GRIK2: variants seen among roughly 807,000 people sequenced by gnomAD.
GRIK2 encodes glutamate ionotropic receptor kainate type subunit 2, also known as glutamate receptor ionotropic, kainate 2.
In GRIK2, 32 loss-of-function variants were observed where a neutral mutation model predicts 100.3. The observed-to-expected ratio is 0.32, with a 90% confidence interval of 0.24 to 0.43. The LOEUF (loss-of-function observed/expected upper bound fraction) is 0.43, where lower values mean the gene tolerates loss of function less well. Among genes scored for constraint, GRIK2 ranks in the 20% least tolerant of loss-of-function variants. GRIK2 has a pLI of 1.00. For missense variants in GRIK2, 843 were observed against 1,114.9 expected (o/e 0.76, Z 3.47); for synonymous variants, 417 against 389.4 (o/e 1.07, Z -0.83).
At chr6:101,542,932 A>G (rs563354011) in intron 2 of GRIK2, among the ~76,000 whole-genome samples, 1 of 152,268 alleles carries the variant, frequency 6.6e-6, no homozygotes, top group East Asian at 1.9e-4. Flanking sequence ...AGGGTAAGAA[A>G]GTACCCTAGA....
At chr6:101,708,453 T>C (rs1051374221) in intron 7 of GRIK2, among the ~76,000 whole-genome samples, 7 of 151,686 alleles carry the variant, frequency 4.6e-5, no homozygotes, top group Non-Finnish European at 7.4e-5. Context: ...AGTGGTTTGA[T>C]ATATATTTTT....
intron 2 of GRIK2, among the ~76,000 whole-genome samples, chr6:101,417,766 C>CG (rs1302781738): frequency 6.6e-6 from 1 of 152,100 alleles, no homozygotes; most frequent in Admixed American, 6.6e-5. Flanking sequence ...AGAAAAGGCA[C>CG]GGAAAATGTG....
intron 2 of GRIK2, among the ~76,000 whole-genome samples, chr6:101,427,474 G>A (rs2852523): frequency 2.0e-5 from 3 of 152,126 alleles, no homozygotes; most frequent in Non-Finnish European, 2.9e-5. Context: ...TGAAGGCAGG[G>A]ACTATATACT....
chr6:102,042,297 A>C (rs1324330468), intron 15 of GRIK2, among the ~76,000 whole-genome samples: 1 of 151,676 alleles, frequency 6.6e-6, no homozygotes, highest in Non-Finnish European at 1.5e-5. Flanking sequence ...ACATTTGACC[A>C]ATCTACAAGA....
At chr6:101,682,778 G>A (rs1037538680) in intron 6 of GRIK2, among the ~76,000 whole-genome samples, 172 bp downstream of exon 6, 2 of 151,814 alleles carry the variant, frequency 1.3e-5, no homozygotes, top group African/African-American at 4.9e-5. Flanking sequence ...AATAGAAGCT[G>A]ATGATTTTGA....
chr6:101,670,000 G>A (rs1184732375), intron 4 of GRIK2, among the ~76,000 whole-genome samples: 2 of 152,044 alleles, frequency 1.3e-5, no homozygotes, highest in African/African-American at 4.8e-5. Context: ...AGGAGTTGAT[G>A]GAAAGTGAGA....
At chr6:101,491,116 A>C (rs1293866838) in intron 2 of GRIK2, among the ~76,000 whole-genome samples, 2 of 116,724 alleles carry the variant, frequency 1.7e-5, no homozygotes, top group Non-Finnish European at 3.7e-5. Context: ...GGCCTTAGCA[A>C]GGCAAAAGTT....
chr6:101,505,160 T>C (rs1773959824), intron 2 of GRIK2, among the ~76,000 whole-genome samples: 1 of 152,120 alleles, frequency 6.6e-6, no homozygotes, highest in African/African-American at 2.4e-5. Context: ...GATTGCATTT[T>C]TTAAATCACT....
At chr6:101,565,912 A>ATT (rs67278361) in intron 2 of GRIK2, among the ~76,000 whole-genome samples, 133 of 107,346 alleles carry the variant, frequency 1.2e-3, no homozygotes, top group Admixed American at 2.2e-3. Flanking sequence ...TTATATACCT[A>ATT]TTTTATATAT....
At chr6:101,519,408 T>G (rs1458471593) in intron 2 of GRIK2, among the ~76,000 whole-genome samples, 2 of 151,728 alleles carry the variant, frequency 1.3e-5, no homozygotes, top group African/African-American at 2.4e-5. Context: ...CATTATTTCA[T>G]TTCACAAAAC....
chr6:101,635,196 G>A (rs1388663703), intron 4 of GRIK2, among the ~76,000 whole-genome samples: 2 of 152,012 alleles, frequency 1.3e-5, no homozygotes, highest in East Asian at 1.9e-4. Context: ...AATTCCAAGT[G>A]CAAATACAAT....
intron 7 of GRIK2, among the ~76,000 whole-genome samples, chr6:101,757,069 G>A (rs1406280421): frequency 6.6e-6 from 1 of 152,058 alleles, no homozygotes; most frequent in Non-Finnish European, 1.5e-5. Context: ...GCTTTAAATA[G>A]CTTTAAATGG....
chr6:101,571,062 A>AC (rs1777501655), intron 2 of GRIK2, among the ~76,000 whole-genome samples: 1 of 152,102 alleles, frequency 6.6e-6, no homozygotes, highest in South Asian at 2.1e-4. Context: ...TATGTGCAGT[A>AC]TTTTGTGTAT....
chr6:101,652,474 T>C (rs1306447419), intron 4 of GRIK2, among the ~76,000 whole-genome samples: 1 of 152,122 alleles, frequency 6.6e-6, no homozygotes, highest in Non-Finnish European at 1.5e-5. Context: ...ATCCAGTCTA[T>C]GGTACTTTGT....
At chr6:101,517,614 T>C (rs748739471) in intron 2 of GRIK2, among the ~76,000 whole-genome samples, 4 of 152,150 alleles carry the variant, frequency 2.6e-5, no homozygotes, top group Admixed American at 2.6e-4. Flanking sequence ...ACTAGAGATA[T>C]ACTGTACTTT....
rs532606256 is a variant in GRIK2, at chr6:101,667,960, A to G, written c.542-8663A>G. ...ATCCCTGACATGCAAGTTAAAACTC[A>G]TTTGCCACTTGGTTTATAATGTATC... On this transcript the variant is annotated intron_variant, in intron 4 of 16. Coordinates refer to ENST00000369134, the MANE Select transcript of GRIK2 (RefSeq NM_021956.5). Among the ~76,000 whole-genome samples, 4 of 152,128 alleles carry G rather than the reference A, an allele frequency of 2.6e-5. No individual in the cohort carries two copies. In the South Asian group the frequency reaches 8.3e-4, roughly 31 times the overall value.
At chr6:101,447,980 G>A (rs1285912762) in intron 2 of GRIK2, among the ~76,000 whole-genome samples, 1 of 151,646 alleles carries the variant, frequency 6.6e-6, no homozygotes, top group Non-Finnish European at 1.5e-5. Flanking sequence ...CAGAGTATGA[G>A]CATGACCATA....
At chr6:102,036,249 A>ACG (rs753806206) in intron 15 of GRIK2, among the ~76,000 whole-genome samples, 1 of 151,078 alleles carries the variant, frequency 6.6e-6, no homozygotes, top group Non-Finnish European at 1.5e-5. Flanking sequence ...ACACACACAC[A>ACG]CACACACACA....
At chr6:101,721,908 C>T (rs1001440889) in intron 7 of GRIK2, among the ~76,000 whole-genome samples, 3 of 151,960 alleles carry the variant, frequency 2.0e-5, no homozygotes, top group African/African-American at 7.2e-5. Context: ...ATGTTTCATG[C>T]TTTTCAAGGA....
Sources: gnomAD v4.1 joint callset for allele counts (sites outside exome capture counted in the v4.1 genomes callset) on GRCh38, gnomAD v4.1.1 for gene constraint, MANE v1.5 for transcripts, NCBI Gene and HGNC (gene_info 2026-07-23, HGNC 2026-07-21) for gene names.